PIK3CD: variants seen among roughly 807,000 people sequenced by gnomAD.
The protein encoded by PIK3CD is phosphatidylinositol 4,5-bisphosphate 3-kinase catalytic subunit delta isoform.
A neutral mutation model predicts 122.9 loss-of-function variants in PIK3CD; 20 were observed. The observed-to-expected ratio is 0.16, with a 90% CI of 0.11 to 0.24. PIK3CD has a LOEUF of 0.24. Among genes scored for constraint, PIK3CD ranks in the 10% least tolerant of loss-of-function variants. PIK3CD has a pLI of 1.00. For synonymous variants in PIK3CD, 596 were observed against 593.4 expected (o/e 1.00, Z -0.06); for missense variants, 787 against 1,406.3 (o/e 0.56, Z 7.04).
Position 9,689,476 on chromosome 1 carries a change from G to A in PIK3CD, c.-137-1991G>A, listed in dbSNP as rs1646107035. On this transcript the variant is annotated intron_variant, in intron 1 of 23. Transcript: ENST00000377346. This position sits in a 1 kb window ranked among gnomAD's most constrained non-coding sequence, Gnocchi z 6.1. ...GGCCCCGGCCCCGCCCCAGCCCCGA[G>A]GACGCCCCGCCCCCAGCCGGCGCCC... Among the ~76,000 whole-genome samples, 1 of 142,970 alleles carries A rather than the reference G, an allele frequency of 7.0e-6. No individual in the cohort carries two copies. Among genetic ancestry groups the A allele is most frequent in the Non-Finnish European group, 1.6e-5 (1 of 64,454 alleles). 93.8% of individuals were successfully genotyped at this position (142,970 alleles called of 152,430 possible).
At chr1:9,685,421 C>G (rs936614449) in intron 1 of PIK3CD, among the ~76,000 whole-genome samples, 1 of 151,780 alleles carries the variant, frequency 6.6e-6, no homozygotes, top group African/African-American at 2.4e-5. Flanking sequence ...TGCAGTGGCT[C>G]GATCTGGGCT....
In PIK3CD at chr1:9,722,498, C is replaced by T. The variant is rs11589267; in HGVS notation, c.2348-30C>T. ...AAGCAGAGAACCTACCAGAAACTCA[C>T]GCTTCTCCTCCCACCGGCCGGTGGC... is the stretch of plus-strand genomic sequence containing the variant. On this transcript the variant is annotated intron_variant, in intron 18 of 23. Transcript: ENST00000377346. The surrounding 1 kb of genome is among the most constrained non-coding windows in gnomAD (Gnocchi z 7.6). 655,618 of 1,596,278 alleles carry T rather than the reference C, an allele frequency of 0.41. 148,680 individuals are homozygous for T. Among genetic ancestry groups the T allele is most frequent in the Non-Finnish European group, 0.47 (548,260 of 1,164,796 alleles).
At chr1:9,657,567 C>T (rs909847200) in intron 1 of PIK3CD, among the ~76,000 whole-genome samples, 4 of 152,044 alleles carry the variant, frequency 2.6e-5, no homozygotes, top group African/African-American at 9.7e-5. Context: ...CCACCTCACC[C>T]CCAACCTCCT....
At chr1:9,683,589 C>T (rs1351264940) in intron 1 of PIK3CD, among the ~76,000 whole-genome samples, 2 of 152,064 alleles carry the variant, frequency 1.3e-5, no homozygotes, top group African/African-American at 2.4e-5. Flanking sequence ...ACGGCTTCGG[C>T]GTCAGTTTCC....
Position 9,722,228 on chromosome 1 carries a change from C to T in PIK3CD, c.2235-16C>T. On this transcript the variant is annotated splice_polypyrimidine_tract_variant and intron_variant, in intron 17 of 23. Transcript: ENST00000377346. The surrounding 1 kb of genome is among the most constrained non-coding windows in gnomAD (Gnocchi z 7.6). ...TAGAGGAGCCCCTGCTGACTGCCCGCTCTCTGGCCTGGCAGCGTGGAGCAG... is the reference window on the plus strand; with the variant it reads ...TAGAGGAGCCCCTGCTGACTGCCCGTTCTCTGGCCTGGCAGCGTGGAGCAG... 1 of 1,611,840 alleles carries T rather than the reference C, an allele frequency of 6.2e-7. No individual in the cohort carries two copies. Among genetic ancestry groups the T allele is most frequent in the Non-Finnish European group, 8.5e-7 (1 of 1,179,054 alleles).
chr1:9,699,226 AAG>A lies in PIK3CD; in HGVS notation c.-33+7658_-33+7659del, dbSNP rs151240251. ...CCCTCTCTGCGAACCGTGCCAAAAA[AAG>A]AGTAGGCTGCTGGGATGAGTTCGGG... On this transcript the variant is annotated intron_variant, in intron 2 of 23. Transcript: ENST00000377346. Among the ~76,000 whole-genome samples, 280 of 152,222 alleles carry A rather than the reference AAG, an allele frequency of 1.8e-3. 4 individuals are homozygous for A. The East Asian group carries it at 0.039, about 21-fold the overall frequency.
chr1:9,706,907 G>A (rs1454846974), intron 2 of PIK3CD, among the ~76,000 whole-genome samples: 3 of 151,066 alleles, frequency 2.0e-5, no homozygotes, highest in African/African-American at 7.3e-5. Context: ...CCAGGCTCAA[G>A]TGATCCTTCC....
In PIK3CD at chr1:9,652,666, C is replaced by T. The variant is rs557808848; in HGVS notation, c.-138+864C>T. On this transcript the variant is annotated intron_variant, in intron 1 of 23. Coordinates refer to ENST00000377346, the MANE Select transcript of PIK3CD (RefSeq NM_005026.5). The surrounding 1 kb of genome is among the most constrained non-coding windows in gnomAD (Gnocchi z 6.2). ...TTTTATTTAGGCTTCCTCATTTGCA[C>T]CTCCTCCTTTGAGGTAGAGAAGAGG... 2.0e-5 allele frequency: 3 copies of T among 152,396 alleles called. No individual in the cohort carries two copies. In the South Asian group the frequency reaches 6.2e-4, roughly 32 times the overall value. 9.4% of individuals were successfully genotyped at this position (152,396 alleles called of 1,614,324 possible). A position where few individuals can be genotyped will look rare whatever the true frequency, so the allele number is the denominator to read the frequency against.
In PIK3CD at chr1:9,704,839, G is replaced by A. The variant is rs1646768993; in HGVS notation, c.-32-5585G>A. Among the ~76,000 whole-genome samples the A allele has an allele frequency of 6.6e-6, 1 of 152,218 alleles. No individual in the cohort carries two copies. Among genetic ancestry groups the A allele is most frequent in the East Asian group, 1.9e-4 (1 of 5,188 alleles). ...GGTCCCCCAAGTTTTGAAACAAAAG[G>A]AAGACTTTGGCTTGGCCATTCTCAG... On this transcript the variant is annotated intron_variant, in intron 2 of 23. Coordinates refer to ENST00000377346, the MANE Select transcript of PIK3CD (RefSeq NM_005026.5). The surrounding 1 kb of genome is among the most constrained non-coding windows in gnomAD (Gnocchi z 5.0).
chr1:9,644,901 A>G, the PIK3CD span, among the ~76,000 whole-genome samples: 1 of 152,156 alleles, frequency 6.6e-6, no homozygotes, highest in Non-Finnish European at 1.5e-5. Context: ...AAGAGGTGTT[A>G]GTCATTAAAG....
chr1:9,716,929 A>T, intron 6 of PIK3CD, 30 bp from the exon 7 acceptor site: 1 of 1,612,514 alleles, frequency 6.2e-7, no homozygotes. Context: ...GGGCCGCCCC[A>T]CCAGCCGCTC....
chr1:9,726,851 C>T, intron 23 of PIK3CD, 58 bp from the exon 24 acceptor site: 1 of 1,608,880 alleles, frequency 6.2e-7, no homozygotes, highest in South Asian at 1.1e-5. Flanking sequence ...GAGAGGGACG[C>T]ATCCCAGAGC....
chr1:9,675,020 A>T (rs991920259), intron 1 of PIK3CD, among the ~76,000 whole-genome samples: 11 of 127,300 alleles, frequency 8.6e-5, no homozygotes, highest in African/African-American at 2.8e-4. Context: ...TGGGCAATGT[A>T]AAAAAAAAAA....
intron 2 of PIK3CD, among the ~76,000 whole-genome samples, chr1:9,709,704 A>T (rs1646974884): frequency 6.8e-6 from 1 of 147,786 alleles, no homozygotes; most frequent in Non-Finnish European, 1.5e-5. Context: ...ACCCTGTTTC[A>T]AAAAAAAAAA....
At chr1:9,677,283 G>T (rs750339184) in intron 1 of PIK3CD, among the ~76,000 whole-genome samples, 2 of 152,160 alleles carry the variant, frequency 1.3e-5, no homozygotes, top group Non-Finnish European at 2.9e-5. Flanking sequence ...TTGTGATTAA[G>T]TTGAGGTCAG....
intron 1 of PIK3CD, among the ~76,000 whole-genome samples, chr1:9,655,087 A>G (rs565091645): frequency 1.1e-4 from 16 of 152,054 alleles, no homozygotes; most frequent in African/African-American, 3.9e-4. Flanking sequence ...AAAAGAAAAA[A>G]AAGCTCTTTC....
intron 2 of PIK3CD, among the ~76,000 whole-genome samples, chr1:9,702,623 C>T (rs1228311920): frequency 6.4e-5 from 9 of 141,202 alleles, no homozygotes; most frequent in South Asian, 2.4e-4. Flanking sequence ...TGGGTTCAAG[C>T]GATTCTCCTG....
At chr1:9,643,724 C>T in the PIK3CD span, among the ~76,000 whole-genome samples, 1 of 152,128 alleles carries the variant, frequency 6.6e-6, no homozygotes, top group Non-Finnish European at 1.5e-5. Flanking sequence ...TTATTAGTGT[C>T]CCCAGGCTAC....
At chr1:9,630,104 C>T in the PIK3CD span, among the ~76,000 whole-genome samples, 4 of 152,212 alleles carry the variant, frequency 2.6e-5, no homozygotes, top group Non-Finnish European at 5.9e-5. Flanking sequence ...GTCCTCAGTG[C>T]GGTCCTCACT....
Sources: allele counts gnomAD v4.1 joint callset (sites outside exome capture counted in the v4.1 genomes callset), GRCh38; gene constraint gnomAD v4.1.1; non-coding constraint Gnocchi (gnomAD v3.1); transcripts MANE v1.5; gene names NCBI Gene and HGNC (gene_info 2026-07-23, HGNC 2026-07-21).